ZC2HC1A: variants seen among roughly 807,000 people sequenced by gnomAD.
ZC2HC1A encodes the protein zinc finger C2HC-type containing 1A, also known as zinc finger C2HC domain-containing protein 1A.
ZC2HC1A carries 28 observed loss-of-function variants against 40.7 expected under a neutral mutation model. The ratio of observed to expected loss-of-function variants is 0.69; its 90% CI spans 0.51 to 0.94. The LOEUF (loss-of-function observed/expected upper bound fraction) is 0.94. Ranked by LOEUF, ZC2HC1A falls within the 40% of genes least tolerant of loss-of-function variation. The probability of loss-of-function intolerance (pLI) is 0.00; values close to 1 mark genes in which losing one functional copy is unlikely to be tolerated. For synonymous variants in ZC2HC1A, 129 were observed against 129.2 expected (o/e 1.00, Z 0.01); for missense variants, 389 against 386.3 (o/e 1.01, Z -0.06).
At chr8:78,666,361 C>T (rs1184499605) in intron 1 of ZC2HC1A, among the ~76,000 whole-genome samples, 197 bp downstream of exon 1, 1 of 152,252 alleles carries the variant, frequency 6.6e-6, no homozygotes, top group African/African-American at 2.4e-5. Flanking sequence ...CCAGGCTGCC[C>T]CGCCTCAGAC....
intron 4 of ZC2HC1A, 75 bp from the exon 5 acceptor site, chr8:78,689,147 A>G (rs1235917044): frequency 8.6e-7 from 1 of 1,156,730 alleles, no homozygotes; most frequent in East Asian, 2.8e-5. Context: ...GAATGACTGC[A>G]TAGAAACTTA....
intron 1 of ZC2HC1A, among the ~76,000 whole-genome samples, chr8:78,672,487 T>C (rs1398865927): frequency 6.6e-6 from 1 of 152,178 alleles, no homozygotes; most frequent in African/African-American, 2.4e-5. Flanking sequence ...AAACGATTTT[T>C]TTTACCCTAC....
At chr8:78,697,899 C>CT (rs1309869265) in intron 6 of ZC2HC1A, among the ~76,000 whole-genome samples, 1 of 152,058 alleles carries the variant, frequency 6.6e-6, no homozygotes, top group African/African-American at 2.4e-5. Context: ...AGGATAATCT[C>CT]TATCTCCTGA....
At chr8:78,694,373 A>G (rs1233685666) in intron 5 of ZC2HC1A, among the ~76,000 whole-genome samples, 1 of 151,712 alleles carries the variant, frequency 6.6e-6, no homozygotes, top group Non-Finnish European at 1.5e-5. Flanking sequence ...GTAAAACGGT[A>G]TTCATGATTA....
rs768143827 is a variant in ZC2HC1A at position 78,689,303 on chromosome 8, C to T, written c.434C>T (p.Ala145Val). ...DRHINFCKEQ[A>V]ARISNKGKFS... ...CATATAAATTTCTGTAAAGAACAGG[C>T]AGCACGTATTAGTAATAAAGGGAAA... The change falls in exon 5 of 9, where the codon GCA becomes GTA. Residue 145 changes from alanine to valine, a missense_variant. Ala to Val is a moderately conservative substitution (Grantham distance 64). Transcript: ENST00000263849. 10 of 1,602,530 alleles carry T rather than the reference C, an allele frequency of 6.2e-6. No homozygotes were observed. Among genetic ancestry groups the T allele is most frequent in the Non-Finnish European group, 8.5e-6 (10 of 1,174,424 alleles).
chr8:78,701,527 C>T (rs1810603388), intron 7 of ZC2HC1A, among the ~76,000 whole-genome samples: 1 of 152,130 alleles, frequency 6.6e-6, no homozygotes, highest in Non-Finnish European at 1.5e-5. Flanking sequence ...ACTTCCAAAA[C>T]TATGTTGAAT....
At chr8:78,689,523 T>C in intron 5 of ZC2HC1A, 150 bp downstream of exon 5, 1 of 670,060 alleles carries the variant, frequency 1.5e-6, no homozygotes, top group Non-Finnish European at 2.2e-6. Flanking sequence ...AGTTGTATGC[T>C]TTTAGCTCTT....
intron 1 of ZC2HC1A, 135 bp from the exon 2 acceptor site, chr8:78,675,652 C>A: frequency 1.3e-6 from 1 of 742,954 alleles, no homozygotes; most frequent in Non-Finnish European, 2.1e-6. Flanking sequence ...GATAATTTTG[C>A]TTATTTCAAA....
intron 7 of ZC2HC1A, among the ~76,000 whole-genome samples, chr8:78,713,056 ACT>A (rs370465171): frequency 2.0e-5 from 3 of 152,224 alleles, no homozygotes; most frequent in East Asian, 3.9e-4. Flanking sequence ...TACTGTCAGA[ACT>A]CTCTGATGCA....
At chr8:78,671,626 A>T (rs149503994) in intron 1 of ZC2HC1A, among the ~76,000 whole-genome samples, 13 of 152,102 alleles carry the variant, frequency 8.5e-5, no homozygotes, top group African/African-American at 3.1e-4. Flanking sequence ...TTGAGCAGAT[A>T]TTAGCCTCAT....
intron 7 of ZC2HC1A, among the ~76,000 whole-genome samples, chr8:78,712,440 G>C (rs1311388783): frequency 1.3e-5 from 2 of 152,000 alleles, no homozygotes; most frequent in African/African-American, 2.4e-5. Context: ...TTAAAAAGCA[G>C]AGTTTGAGAA....
chr8:78,691,116 G>T (rs76963025), intron 5 of ZC2HC1A, among the ~76,000 whole-genome samples: 5,622 of 152,150 alleles, frequency 0.037, 315 homozygotes, highest in African/African-American at 0.13. Context: ...TTGAATAGAG[G>T]TGATGACAGT....
At chr8:78,694,374 T>C (rs1203070347) in intron 5 of ZC2HC1A, among the ~76,000 whole-genome samples, 1 of 152,134 alleles carries the variant, frequency 6.6e-6, no homozygotes, top group Admixed American at 6.5e-5. Context: ...TAAAACGGTA[T>C]TCATGATTAT....
intron 5 of ZC2HC1A, among the ~76,000 whole-genome samples, chr8:78,695,107 G>A (rs886235866): frequency 2.0e-5 from 3 of 152,104 alleles, no homozygotes; most frequent in Non-Finnish European, 4.4e-5. Context: ...AGGGGGAGGT[G>A]AATAATGTTT....
intron 7 of ZC2HC1A, among the ~76,000 whole-genome samples, chr8:78,714,623 A>G (rs1353397657): frequency 6.6e-6 from 1 of 152,142 alleles, no homozygotes; most frequent in East Asian, 1.9e-4. Context: ...TTTGATTCTT[A>G]AAGTTTCAAA....
chr8:78,682,564 T>C (rs1355985882), intron 3 of ZC2HC1A, among the ~76,000 whole-genome samples: 3 of 152,142 alleles, frequency 2.0e-5, no homozygotes, highest in Non-Finnish European at 4.4e-5. Flanking sequence ...CGTGATTCAA[T>C]TACCTCCCAA....
chr8:78,686,382 T>C (rs1341759088), intron 3 of ZC2HC1A, 85 bp from the exon 4 acceptor site: 16 of 1,083,260 alleles, frequency 1.5e-5, no homozygotes, highest in Non-Finnish European at 1.9e-5. Flanking sequence ...TTTAAAATGA[T>C]ATGGAATTAT....
intron 7 of ZC2HC1A, among the ~76,000 whole-genome samples, chr8:78,705,118 C>T (rs1810730799): frequency 6.6e-6 from 1 of 152,238 alleles, no homozygotes; most frequent in South Asian, 2.1e-4. Flanking sequence ...CTGTCTCAGC[C>T]TCAGCCTGAT....
chr8:78,693,385 C>G (rs1244871372), intron 5 of ZC2HC1A, among the ~76,000 whole-genome samples: 1 of 152,186 alleles, frequency 6.6e-6, no homozygotes, highest in Admixed American at 6.5e-5. Context: ...ACATCCTCTC[C>G]AGCACCTGTT....
Sources: allele counts gnomAD v4.1 joint callset (sites outside exome capture counted in the v4.1 genomes callset), GRCh38; gene constraint gnomAD v4.1.1; transcripts MANE v1.5; gene names NCBI Gene and HGNC (gene_info 2026-07-23, HGNC 2026-07-21).